STON2: variants seen among roughly 807,000 people sequenced by gnomAD.
STON2 encodes the protein stonin-2.
In STON2, 29 loss-of-function variants were observed where a neutral mutation model predicts 65.7. The ratio of observed to expected loss-of-function variants is 0.44; its 90% CI spans 0.33 to 0.60. STON2 has a LOEUF of 0.60. Among genes scored for constraint, STON2 ranks in the 20% least tolerant of loss-of-function variants. The probability of loss-of-function intolerance (pLI) is 0.03; values close to 1 mark genes in which losing one functional copy is unlikely to be tolerated. For synonymous variants in STON2, 404 were observed against 414.2 expected, an observed-to-expected ratio of 0.98 and a Z score of 0.30; for missense variants, 1,054 against 1,118.1, an observed-to-expected ratio of 0.94 and a Z score of 0.82.
intron 4 of STON2, among the ~76,000 whole-genome samples, chr14:81,353,009 A>G (rs1350963352): frequency 6.6e-6 from 1 of 152,220 alleles, no homozygotes; most frequent in African/African-American, 2.4e-5. Context: ...AATAGGGAAG[A>G]AAAATATGGC....
intron 4 of STON2, among the ~76,000 whole-genome samples, chr14:81,368,705 G>A (rs538699833): frequency 2.1e-4 from 32 of 152,224 alleles, no homozygotes; most frequent in Non-Finnish European, 3.5e-4. Flanking sequence ...GTGACAGAGC[G>A]AGACTCCATC....
intron 5 of STON2, among the ~76,000 whole-genome samples, chr14:81,310,386 A>G (rs1247613383): frequency 1.3e-5 from 2 of 152,174 alleles, no homozygotes; most frequent in African/African-American, 4.8e-5. Flanking sequence ...AAAATGGGTC[A>G]TTTAATTTCA....
intron 2 of STON2, among the ~76,000 whole-genome samples, chr14:81,426,493 C>A (rs543991081): frequency 6.6e-6 from 1 of 152,282 alleles, no homozygotes; most frequent in East Asian, 1.9e-4. Context: ...ATGCTTCCAG[C>A]CTTGACTTCT....
chr14:81,314,519 C>A (rs567268153), intron 5 of STON2, among the ~76,000 whole-genome samples: 1 of 152,200 alleles, frequency 6.6e-6, no homozygotes, highest in Admixed American at 6.5e-5. Context: ...CCTGCCAGCA[C>A]GCAAAGTGAA....
intron 4 of STON2, among the ~76,000 whole-genome samples, chr14:81,353,099 C>G (rs1054296283): frequency 3.9e-5 from 6 of 152,116 alleles, no homozygotes; most frequent in African/African-American, 1.4e-4. Flanking sequence ...TGCACCTCCA[C>G]ACATCTACAT....
intron 1 of STON2, among the ~76,000 whole-genome samples, chr14:81,428,726 A>G (rs1049762838): frequency 2.6e-5 from 4 of 152,190 alleles, no homozygotes; most frequent in African/African-American, 9.6e-5. Flanking sequence ...CTGTCTCAAA[A>G]AAAAACAGAA....
At position 81,270,876 on chromosome 14, in the gene STON2, T is replaced by C; in HGVS notation, c.2582-4A>G. ...AAACAGTGTGGGTGACCGGAAGCTA[T>C]GAAAGAAAGACAATCGAGAGATCAG... On this transcript the variant is annotated splice_polypyrimidine_tract_variant and splice_region_variant and intron_variant, in intron 6 of 7. Coordinates refer to ENST00000614646, the MANE Select transcript of STON2 (RefSeq NM_001394390.1). The C allele has an allele frequency of 2.5e-6, 4 of 1,611,976 alleles. No homozygotes were observed. The highest frequency in any genetic ancestry group is 1.1e-5 in the South Asian group (1 of 91,000).
chr14:81,373,008 A>G lies in STON2; in HGVS notation c.374-1823T>C, dbSNP rs1325230633. Among the ~76,000 whole-genome samples the G allele has an allele frequency of 4.6e-5, 7 of 152,098 alleles. No homozygotes were observed. The East Asian group carries it at 1.3e-3, about 29-fold the overall frequency. On this transcript the variant is annotated intron_variant, in intron 3 of 7. Coordinates refer to ENST00000614646, the MANE Select transcript of STON2 (RefSeq NM_001394390.1). ...TCTTTAAAAATGTCACCCTTTCTGC[A>G]TATTCCTGAGTATTCTCTCCAAAAA...
intron 4 of STON2, among the ~76,000 whole-genome samples, chr14:81,349,062 C>T (rs1638238388): frequency 6.6e-6 from 1 of 152,084 alleles, no homozygotes; most frequent in South Asian, 2.1e-4. Flanking sequence ...AACTAGACCC[C>T]TATCTCTATC....
At chr14:81,396,750 A>AC (rs1900344549) in intron 2 of STON2, among the ~76,000 whole-genome samples, 2 of 116,982 alleles carry the variant, frequency 1.7e-5, no homozygotes. Flanking sequence ...GCCTTCAAAA[A>AC]TTTTTTTTTT....
At chr14:81,342,144 T>C (rs982623094) in intron 4 of STON2, among the ~76,000 whole-genome samples, 1 of 152,018 alleles carries the variant, frequency 6.6e-6, no homozygotes, top group Non-Finnish European at 1.5e-5. Context: ...ATGGAGTTTT[T>C]TTGTTTTTTT....
intron 3 of STON2, among the ~76,000 whole-genome samples, chr14:81,381,702 G>A (rs565196757): frequency 6.6e-6 from 1 of 152,288 alleles, no homozygotes; most frequent in African/African-American, 2.4e-5. Flanking sequence ...TGGAGCCACA[G>A]TGTCTTTCAT....
intron 1 of STON2, among the ~76,000 whole-genome samples, chr14:81,435,311 T>C (rs1902374146): frequency 6.6e-6 from 1 of 152,182 alleles, no homozygotes; most frequent in African/African-American, 2.4e-5. Flanking sequence ...TGCAAATGGT[T>C]GCTAGGCCAG....
intron 4 of STON2, among the ~76,000 whole-genome samples, chr14:81,348,042 C>CA (rs561703820): frequency 6.6e-6 from 1 of 151,074 alleles, no homozygotes; most frequent in South Asian, 2.1e-4. Flanking sequence ...TCTCAATAGG[C>CA]AAAAAAAGAG....
intron 3 of STON2, among the ~76,000 whole-genome samples, chr14:81,386,807 G>A (rs533274746): frequency 6.6e-6 from 1 of 152,204 alleles, no homozygotes; most frequent in East Asian, 1.9e-4. Context: ...TAAATTTTAA[G>A]GATGAACTTT....
At chr14:81,411,237 A>G (rs546654754) in intron 2 of STON2, among the ~76,000 whole-genome samples, 99 of 152,320 alleles carry the variant, frequency 6.5e-4, no homozygotes, top group African/African-American at 2.3e-3. Context: ...ACAGTGAGGG[A>G]TGTTAACATT....
In STON2 at chr14:81,265,656, A is replaced by C; in HGVS notation, c.*2758T>G. 3.9e-6 allele frequency: 2 copies of C among 510,068 alleles called. No individual in the cohort carries two copies. The highest frequency in any genetic ancestry group is 5.1e-6 in the Non-Finnish European group (2 of 395,368). The allele number at this position is 510,068 out of a possible 1,614,324, so 31.6% of individuals were successfully genotyped here. Reference sequence around the variant, plus strand: ...GCGAAACTTTGTCTCAGTAATAATAATAATAATAATAATAATAATACTCTG... The same window carrying C: ...GCGAAACTTTGTCTCAGTAATAATACTAATAATAATAATAATAATACTCTG... On this transcript the variant is annotated 3_prime_UTR_variant, in exon 8 of 8. Transcript: ENST00000614646.
chr14:81,334,846 T>C lies in STON2; in HGVS notation c.572-10659A>G, dbSNP rs1431026139. Among the ~76,000 whole-genome samples the C allele has an allele frequency of 4.6e-5, 7 of 152,060 alleles. No individual in the cohort carries two copies. The East Asian group carries it at 1.3e-3, about 29-fold the overall frequency. ...ATGATTTTTACCAATTTTATTTATT[T>C]ATTTATTTAGAGACAGAGTCTCATT... On this transcript the variant is annotated intron_variant, in intron 4 of 7. Coordinates refer to ENST00000614646, the MANE Select transcript of STON2 (RefSeq NM_001394390.1).
intron 4 of STON2, among the ~76,000 whole-genome samples, chr14:81,325,474 T>C (rs528595784): frequency 6.6e-6 from 1 of 152,236 alleles, no homozygotes; most frequent in Non-Finnish European, 1.5e-5. Flanking sequence ...AAAAATTCAT[T>C]ATAAAAAACT....
Sources: allele counts gnomAD v4.1 joint callset (sites outside exome capture counted in the v4.1 genomes callset), GRCh38; gene constraint gnomAD v4.1.1; transcripts MANE v1.5; gene names NCBI Gene and HGNC (gene_info 2026-07-23, HGNC 2026-07-21).